WWP1: variants seen among roughly 807,000 people sequenced by gnomAD.
The protein encoded by WWP1 is NEDD4-like E3 ubiquitin-protein ligase WWP1.
Under a neutral mutation model 130.6 loss-of-function variants are expected in WWP1, and 49 were observed. The ratio of observed to expected loss-of-function variants is 0.38; its 90% CI spans 0.30 to 0.48. WWP1 has a LOEUF of 0.48. Among genes scored for constraint, WWP1 ranks in the 20% least tolerant of loss-of-function variants. WWP1 has a pLI of 0.99. For missense variants in WWP1, 809 were observed against 1,100.6 expected, an observed-to-expected ratio of 0.74 and a Z score of 3.75; for synonymous variants, 332 against 367.8, an observed-to-expected ratio of 0.90 and a Z score of 1.11.
intron 11 of WWP1, 139 bp downstream of exon 11, chr8:86,427,956 ATTT>A: frequency 1.5e-6 from 1 of 662,392 alleles, no homozygotes; most frequent in East Asian, 3.2e-5. Context: ...GTTACAAGAT[ATTT>A]TTTAGTTAAT....
At chr8:86,399,602 T>C (rs1807858904) in intron 7 of WWP1, among the ~76,000 whole-genome samples, 1 of 152,204 alleles carries the variant, frequency 6.6e-6, no homozygotes, top group Admixed American at 6.5e-5. Flanking sequence ...AACAGATAAG[T>C]ATGCCTTCTG....
intron 3 of WWP1, among the ~76,000 whole-genome samples, chr8:86,375,180 A>G (rs567141449): frequency 6.6e-6 from 1 of 152,202 alleles, no homozygotes; most frequent in East Asian, 1.9e-4. Flanking sequence ...GCAGTTTAAG[A>G]TTTCTTTGTG....
At position 86,342,915 on chromosome 8, in the gene WWP1, G is replaced by T; in HGVS notation, c.-130G>T. 6.8e-6 allele frequency: 2 copies of T among 294,072 alleles called. No individual in the cohort carries two copies. Among genetic ancestry groups the T allele is most frequent in the South Asian group, 3.0e-4 (2 of 6,776 alleles). The allele number at this position is 294,072 out of a possible 1,614,324, so 18.2% of individuals were successfully genotyped here. On this transcript the variant is annotated 5_prime_UTR_variant, in exon 1 of 25. Coordinates refer to ENST00000517970, the MANE Select transcript of WWP1 (RefSeq NM_007013.4). ...CGTGGCCGCCCGGCTGCCGGGAGCC[G>T]ACAGCTTCGCGCCGGGTAAGGACGG...
Position 86,411,720 on chromosome 8 carries a change from T to C in WWP1, c.907T>C (p.Leu303=), listed in dbSNP as rs767964384. 2.5e-6 allele frequency: 4 copies of C among 1,614,030 alleles called. No individual in the cohort carries two copies. The African/African-American group carries it at 5.3e-5, about 22-fold the overall frequency. ...NECIPSTSAE[L]ESEARSILEP... ...ATGTATTCCTTCTACCAGTGCAGAA[T>C]TGGAATCTGAAGCTAGAAGTATATT... is the stretch of plus-strand genomic sequence containing the variant. The change falls in exon 9 of 25, where the codon TTG becomes CTG. Residue 303 remains leucine, a synonymous_variant. Coordinates refer to ENST00000517970, the MANE Select transcript of WWP1 (RefSeq NM_007013.4).
At chr8:86,415,839 T>A (rs1361372666) in intron 9 of WWP1, among the ~76,000 whole-genome samples, 1 of 152,252 alleles carries the variant, frequency 6.6e-6, no homozygotes, top group Non-Finnish European at 1.5e-5. Flanking sequence ...TGTTATTATC[T>A]GTTGTCTCTC....
intron 8 of WWP1, among the ~76,000 whole-genome samples, chr8:86,408,966 C>T (rs1330316201): frequency 6.6e-6 from 1 of 151,708 alleles, no homozygotes; most frequent in Non-Finnish European, 1.5e-5. Context: ...TGTTGTTGAT[C>T]TTGTGTCTGT....
At chr8:86,375,227 T>C (rs904554413) in intron 3 of WWP1, among the ~76,000 whole-genome samples, 2 of 152,198 alleles carry the variant, frequency 1.3e-5, no homozygotes, top group Admixed American at 1.3e-4. Context: ...CAAAATACCA[T>C]GTTTTAATGT....
intron 8 of WWP1, among the ~76,000 whole-genome samples, chr8:86,408,038 AATTTGTTTC>A (rs1808377774): frequency 6.6e-6 from 1 of 152,180 alleles, no homozygotes; most frequent in African/African-American, 2.4e-5. Context: ...ACTACTCTAA[AATTTGTTTC>A]ATTTGTTTAT....
chr8:86,354,552 T>C (rs1224875295), intron 1 of WWP1, among the ~76,000 whole-genome samples: 1 of 152,202 alleles, frequency 6.6e-6, no homozygotes, highest in Non-Finnish European at 1.5e-5. Context: ...AAGTTTATCC[T>C]TTATGGCATG....
At position 86,459,924 on chromosome 8, in the gene WWP1, C is replaced by T. The variant is rs77322289; in HGVS notation, c.2500-1300C>T. Reference sequence around the variant, plus strand: ...GGTAATAAGTCTTGTTTCTTGTGTTCTGATGAAATATGTGCCTCAGCACAA... The same window carrying T: ...GGTAATAAGTCTTGTTTCTTGTGTTTTGATGAAATATGTGCCTCAGCACAA... On this transcript the variant is annotated intron_variant, in intron 22 of 24. Transcript: ENST00000517970. Among the ~76,000 whole-genome samples the T allele has an allele frequency of 3.1e-3, 470 of 152,306 alleles. 2 individuals carry two copies. Among genetic ancestry groups the T allele is most frequent in the African/African-American group, 0.011 (448 of 41,568 alleles).
intron 14 of WWP1, among the ~76,000 whole-genome samples, chr8:86,434,611 G>T (rs118009207): frequency 6.6e-6 from 1 of 152,034 alleles, no homozygotes; most frequent in Non-Finnish European, 1.5e-5. Flanking sequence ...TCTAGGTCAG[G>T]AGTGATAAGA....
chr8:86,401,888 G>A, intron 7 of WWP1, 131 bp from the exon 8 acceptor site: 1 of 895,616 alleles, frequency 1.1e-6, no homozygotes, highest in Admixed American at 3.7e-5. Flanking sequence ...TTTGGAAATA[G>A]AATCTAAAAA....
chr8:86,409,954 ATTC>A (rs938075883), intron 8 of WWP1, among the ~76,000 whole-genome samples: 12 of 152,204 alleles, frequency 7.9e-5, no homozygotes, highest in East Asian at 3.9e-4. Context: ...ATTTTTCATG[ATTC>A]TTCTTATCAG....
In WWP1 at chr8:86,433,440, A is replaced by G. The variant is rs1810106556; in HGVS notation, c.1601+1697A>G. Among the ~76,000 whole-genome samples, 3 of 151,850 alleles carry G rather than the reference A, an allele frequency of 2.0e-5. No individual in the cohort carries two copies. The South Asian group carries it at 6.2e-4, about 31-fold the overall frequency. On this transcript the variant is annotated intron_variant, in intron 14 of 24. Coordinates refer to ENST00000517970, the MANE Select transcript of WWP1 (RefSeq NM_007013.4). Reference sequence around the variant, plus strand: ...TGTAAAACCTGCTCTCTGGCCAGGCATGGTGGCACACACCTATAATCCCAG... The same window carrying G: ...TGTAAAACCTGCTCTCTGGCCAGGCGTGGTGGCACACACCTATAATCCCAG...
rs1473644227 is a variant in WWP1, at chr8:86,446,201, C to T, written c.1999-1947C>T. On this transcript the variant is annotated intron_variant, in intron 18 of 24. Coordinates refer to ENST00000517970, the MANE Select transcript of WWP1 (RefSeq NM_007013.4). The stretch of plus-strand genomic sequence containing the variant: ...TTCACCATGTTGGCCGGGCTGGTCT[C>T]GAACTCCTAACCTCAGGTGATCCGC... Among the ~76,000 whole-genome samples, 6 of 152,104 alleles carry T rather than the reference C, an allele frequency of 3.9e-5. No homozygotes were observed. In the South Asian group the frequency reaches 1.0e-3, roughly 26 times the overall value.
intron 1 of WWP1, among the ~76,000 whole-genome samples, chr8:86,366,522 C>T (rs1032914237): frequency 6.6e-6 from 1 of 152,144 alleles, no homozygotes; most frequent in Non-Finnish European, 1.5e-5. Context: ...ACATGTAGTT[C>T]CAGTGATATG....
intron 3 of WWP1, 47 bp from the exon 4 acceptor site, chr8:86,380,676 GTAC>G: frequency 6.4e-7 from 1 of 1,559,022 alleles, no homozygotes; most frequent in Middle Eastern, 2.2e-4. Context: ...TTAGTGTGCA[GTAC>G]TACTTTTTGG....
At chr8:86,414,743 T>A (rs928470297) in intron 9 of WWP1, among the ~76,000 whole-genome samples, 39 of 152,324 alleles carry the variant, frequency 2.6e-4, no homozygotes, top group African/African-American at 5.5e-4. Context: ...CCACATTTTT[T>A]AATTCACTTT....
At chr8:86,414,227 CTGTGTGTGTGTGTGTGTGTGTAT>C (rs1808745134) in intron 9 of WWP1, among the ~76,000 whole-genome samples, 2 of 150,946 alleles carry the variant, frequency 1.3e-5, no homozygotes, top group African/African-American at 4.9e-5. Flanking sequence ...GTTTGTTTTT[CTGTGTGTGTGTGTGTGTGTGTAT>C]GTGTGTGTAT....
Sources: allele counts gnomAD v4.1 joint callset (sites outside exome capture counted in the v4.1 genomes callset), GRCh38; gene constraint gnomAD v4.1.1; transcripts MANE v1.5; gene names NCBI Gene and HGNC (gene_info 2026-07-23, HGNC 2026-07-21).